The following SYNJ1 variants were observed in gnomAD, a reference collection of about 807,000 sequenced individuals.
SYNJ1 encodes synaptojanin 1.
In SYNJ1, 78 loss-of-function variants were observed where a neutral mutation model predicts 168.2. That is an observed-to-expected ratio of 0.46 (90% CI 0.39 to 0.56). SYNJ1 has a LOEUF of 0.56. Among genes scored for constraint, SYNJ1 ranks in the 20% least tolerant of loss-of-function variants. The pLI is 0.00. For missense variants in SYNJ1, 1,303 were observed against 1,597.6 expected, an observed-to-expected ratio of 0.82 and a Z score of 3.14; for synonymous variants, 539 against 548.6, an observed-to-expected ratio of 0.98 and a Z score of 0.24.
chr21:32,714,613 T>C (rs1026173524), intron 2 of SYNJ1, among the ~76,000 whole-genome samples: 1 of 152,190 alleles, frequency 6.6e-6, no homozygotes, highest in African/African-American at 2.4e-5. Context: ...TTGAAACAAC[T>C]TGGTAGATGG....
At chr21:32,727,029 G>T in intron 1 of SYNJ1, 112 bp from the exon 2 acceptor site, 2 of 1,419,986 alleles carry the variant, frequency 1.4e-6, no homozygotes, top group Non-Finnish European at 9.5e-7. Context: ...GGGTTGGGGT[G>T]GGAAAAAACA....
At chr21:32,724,366 T>G (rs922282461) in intron 2 of SYNJ1, among the ~76,000 whole-genome samples, 1 of 152,128 alleles carries the variant, frequency 6.6e-6, no homozygotes, top group Non-Finnish European at 1.5e-5. Context: ...CACACACCTA[T>G]AATTCCAGCT....
intron 4 of SYNJ1, 79 bp downstream of exon 4, chr21:32,699,759 G>A (rs1205805883): frequency 5.0e-5 from 75 of 1,508,862 alleles, no homozygotes; most frequent in Admixed American, 1.3e-4. Flanking sequence ...TTGCTGTCAC[G>A]GTGAGGAGGT....
intron 2 of SYNJ1, among the ~76,000 whole-genome samples, chr21:32,703,412 T>A (rs2042483708): frequency 6.6e-6 from 1 of 152,206 alleles, no homozygotes; most frequent in South Asian, 2.1e-4. Context: ...GCAACCCAAA[T>A]GTAAAACATT....
At chr21:32,723,546 A>C (rs1046201135) in intron 2 of SYNJ1, among the ~76,000 whole-genome samples, 1 of 152,320 alleles carries the variant, frequency 6.6e-6, no homozygotes, top group South Asian at 2.1e-4. Flanking sequence ...GGCTGCGAGC[A>C]GTGGCTCACG....
chr21:32,672,548 G>A (rs779212296), intron 14 of SYNJ1, among the ~76,000 whole-genome samples: 1 of 151,872 alleles, frequency 6.6e-6, no homozygotes, highest in Non-Finnish European at 1.5e-5. Flanking sequence ...CCATGTTGGC[G>A]AGGCTGATCT....
chr21:32,710,690 G>C, intron 2 of SYNJ1, among the ~76,000 whole-genome samples: 1 of 152,130 alleles, frequency 6.6e-6, no homozygotes, highest in East Asian at 1.9e-4. Context: ...GCACCTGATT[G>C]ATTTGGACTT....
At chr21:32,681,356 G>T in intron 11 of SYNJ1, 140 bp downstream of exon 11, 1 of 917,454 alleles carries the variant, frequency 1.1e-6, no homozygotes, top group Non-Finnish European at 1.6e-6. Flanking sequence ...ATCAAAGAAG[G>T]CATAAAAGCA....
chr21:32,666,032 C>T lies in SYNJ1; in HGVS notation c.2056G>A (p.Val686Ile), dbSNP rs377592740. Residue 686 changes from valine (V) to isoleucine (I), a missense_variant, in exon 17 of 33, where the codon GTC (valine) becomes ATC (isoleucine). Val to Ile is a conservative substitution (Grantham distance 29). This residue lies in a region of SYNJ1 where 920 missense variants were observed against 1,208.8 expected (regional missense o/e 0.76). Transcript: ENST00000674351. ...MLFHTTSLCF[V>I]CSHFAAGQSQ... ...TGCCCTGCAGCAAAGTGGCTACAGA[C>T]GAAGCAAAGGCTGGTTGTATGGAAG... is the stretch of plus-strand genomic sequence containing the variant. 8.1e-6 allele frequency: 13 copies of T among 1,613,956 alleles called. No individual in the cohort carries two copies. Among genetic ancestry groups the T allele is most frequent in the South Asian group, 3.3e-5 (3 of 91,060 alleles).
intron 24 of SYNJ1, 121 bp from the exon 25 acceptor site, chr21:32,645,910 A>G: frequency 7.2e-7 from 1 of 1,383,802 alleles, no homozygotes; most frequent in South Asian, 1.2e-5. Flanking sequence ...AAGAAAGGGC[A>G]TGTATTTTCA....
chr21:32,726,907 C>A lies in SYNJ1; in HGVS notation c.-12G>T, dbSNP rs1040540690. 4.3e-6 allele frequency: 7 copies of A among 1,613,892 alleles called. No homozygotes were observed. In the African/African-American group the frequency reaches 8.0e-5, roughly 18 times the overall value. On this transcript the variant is annotated 5_prime_UTR_variant, in exon 2 of 33. Transcript: ENST00000674351. ...TTACTGAACGCCATTCTCCTTTCTT[C>A]GGAGGCAGCCCTGCGAAAACCAAGC...
At chr21:32,700,220 T>C (rs745333763) in intron 3 of SYNJ1, 115 bp from the exon 4 acceptor site, 3 of 1,221,414 alleles carry the variant, frequency 2.5e-6, no homozygotes, top group Non-Finnish European at 3.4e-6. Flanking sequence ...AAACTTATCA[T>C]GGATGTGTTG....
chr21:32,666,571 G>A lies in SYNJ1; in HGVS notation c.1814C>T (p.Thr605Ile), dbSNP rs1399163512. The A allele has an allele frequency of 6.2e-7, 1 of 1,603,064 alleles. No homozygotes were observed. Among genetic ancestry groups the A allele is most frequent in the African/African-American group, 1.4e-5 (1 of 74,020 alleles). The change falls in exon 16 of 33, where the codon ACA becomes ATA. Residue 605 changes from threonine (T) to isoleucine (I), a missense_variant and splice_region_variant. Physicochemically the swap from Thr to Ile is moderately conservative, Grantham distance 89. Around this residue, in one of 2 missense-constraint regions of SYNJ1, gnomAD observed 920 missense variants for 1,208.8 expected, o/e 0.76. Transcript: ENST00000674351. The stretch of plus-strand genomic sequence containing the variant: ...TACAGCCCAGAGCTTCTGATTTGTT[G>A]TGCTACAAGAAAATATTAAAAAGAG... Reference protein sequence around the residue: ...LNAGNIVSASTTNQKLWAVEL... With the variant: ...LNAGNIVSASITNQKLWAVEL...
At chr21:32,668,636 T>G (rs1463108227) in intron 15 of SYNJ1, among the ~76,000 whole-genome samples, 2 of 152,194 alleles carry the variant, frequency 1.3e-5, no homozygotes, top group Non-Finnish European at 2.9e-5. Context: ...AATTTTCTCC[T>G]AAAAATCTTT....
chr21:32,710,079 T>C (rs2042773066), intron 2 of SYNJ1, among the ~76,000 whole-genome samples: 1 of 152,116 alleles, frequency 6.6e-6, no homozygotes, highest in South Asian at 2.1e-4. Context: ...TGCAGACACC[T>C]GTAATCCCAG....
Position 32,630,958 on chromosome 21 carries a change from C to T in SYNJ1, c.*847G>A. The stretch of plus-strand genomic sequence containing the variant: ...GCCCAATTCTCTTAGCTCTATCCTG[C>T]CAAAAGCAAGTACCCACTGTTTTCT... On this transcript the variant is annotated 3_prime_UTR_variant, in exon 33 of 33. Coordinates refer to ENST00000674351, the MANE Select transcript of SYNJ1 (RefSeq NM_203446.3). 1 of 1,573,402 alleles carries T rather than the reference C, an allele frequency of 6.4e-7. No individual in the cohort carries two copies. Among genetic ancestry groups the T allele is most frequent in the East Asian group, 2.2e-5 (1 of 44,490 alleles).
At chr21:32,667,302 T>C (rs934739002) in intron 15 of SYNJ1, among the ~76,000 whole-genome samples, 1 of 152,202 alleles carries the variant, frequency 6.6e-6, no homozygotes. Flanking sequence ...ACTAATGTCT[T>C]TTTAAAAAAT....
At chr21:32,662,075 C>T (rs2040728776) in intron 18 of SYNJ1, among the ~76,000 whole-genome samples, 2 of 152,154 alleles carry the variant, frequency 1.3e-5, no homozygotes. Flanking sequence ...GAAGGAATCC[C>T]AGCCTGGATC....
intron 7 of SYNJ1, among the ~76,000 whole-genome samples, chr21:32,687,694 C>G (rs547049532): frequency 1.3e-5 from 2 of 152,216 alleles, no homozygotes; most frequent in East Asian, 3.9e-4. Flanking sequence ...CAATATAAAA[C>G]AACTACAGTT....
Sources: gnomAD v4.1 joint callset for allele counts (sites outside exome capture counted in the v4.1 genomes callset) on GRCh38, gnomAD v4.1.1 for gene constraint, gnomAD v4.1.1 regional missense constraint, MANE v1.5 for transcripts, NCBI Gene and HGNC (gene_info 2026-07-23, HGNC 2026-07-21) for gene names.